PLOD2: variants seen among roughly 807,000 people sequenced by gnomAD.
PLOD2 encodes the protein lysine hydroxylase 2.
In PLOD2, 65 loss-of-function variants were observed where a neutral mutation model predicts 101.0. The ratio of observed to expected loss-of-function variants is 0.64; its 90% CI spans 0.53 to 0.79. The LOEUF is 0.79. Ranked by LOEUF, PLOD2 falls within the 30% of genes least tolerant of loss-of-function variation. The pLI is 0.00. For synonymous variants in PLOD2, 314 were observed against 302.9 expected (o/e 1.04, Z -0.38); for missense variants, 909 against 914.6 (o/e 0.99, Z 0.08).
chr3:146,100,687 A>G (rs996681877), intron 7 of PLOD2, among the ~76,000 whole-genome samples: 1 of 152,142 alleles, frequency 6.6e-6, no homozygotes, highest in Admixed American at 6.5e-5. Context: ...AGAGGGAGAA[A>G]GGAGAAGAAA....
Position 146,081,728 on chromosome 3 carries a change from A to C in PLOD2, c.1358+10T>G. ...TATTTCACATTAAAATATTAAACCAAGTAACTTACACTCTATTCCCTTGAA... is the reference window on the plus strand; with the variant it reads ...TATTTCACATTAAAATATTAAACCACGTAACTTACACTCTATTCCCTTGAA... On this transcript the variant is annotated intron_variant, in intron 12 of 19. Coordinates refer to ENST00000282903, the MANE Select transcript of PLOD2 (RefSeq NM_182943.3). The C allele has an allele frequency of 6.2e-7, 1 of 1,600,198 alleles. No homozygotes were observed. Among genetic ancestry groups the C allele is most frequent in the Non-Finnish European group, 8.6e-7 (1 of 1,167,892 alleles).
At position 146,106,580 on chromosome 3, in the gene PLOD2, A is replaced by G. The variant is rs774143690; in HGVS notation, c.567T>C (p.Asp189=). The part of the protein sequence containing the change: ...IVQQWNLQDN[D]DDQLFYTKVY... ...CTTTAGTGTAAAAGAGCTGATCATC[A>G]TCATTATCCTGGAGATTCCATTGTT... The change falls in exon 5 of 20, where the codon GAT becomes GAC. Residue 189 remains aspartate (D), a synonymous_variant. Transcript: ENST00000282903. 2 of 1,598,632 alleles carry G rather than the reference A, an allele frequency of 1.3e-6. No homozygotes were observed. Among genetic ancestry groups the G allele is most frequent in the South Asian group, 1.1e-5 (1 of 90,686 alleles).
chr3:146,081,886 TGAGA>T (rs1291717389), intron 11 of PLOD2, 23 bp from the exon 12 acceptor site: 7 of 1,603,086 alleles, frequency 4.4e-6, no homozygotes, highest in East Asian at 4.5e-5. Flanking sequence ...AGAGTGTGTG[TGAGA>T]GAGAGAAACC....
chr3:146,152,094 C>T (rs1350435315), intron 1 of PLOD2, among the ~76,000 whole-genome samples: 1 of 152,102 alleles, frequency 6.6e-6, no homozygotes, highest in African/African-American at 2.4e-5. Context: ...TAAAGCAATA[C>T]AAAAATAGTC....
intron 7 of PLOD2, among the ~76,000 whole-genome samples, chr3:146,095,014 C>T (rs1394479531): frequency 6.6e-6 from 1 of 152,064 alleles, no homozygotes; most frequent in Non-Finnish European, 1.5e-5. Flanking sequence ...AACTGGCTAG[C>T]CATATGCAGA....
intron 3 of PLOD2, among the ~76,000 whole-genome samples, chr3:146,114,750 A>G (rs549388611): frequency 5.9e-5 from 9 of 152,286 alleles, no homozygotes; most frequent in African/African-American, 1.9e-4. Flanking sequence ...AAGGGAATAA[A>G]CTAAGAAAGA....
chr3:146,121,031 ACAT>A (rs888485813), intron 3 of PLOD2, 78 bp downstream of exon 3: 4 of 1,154,596 alleles, frequency 3.5e-6, no homozygotes, highest in Non-Finnish European at 5.2e-6. Context: ...ATATTTTAAT[ACAT>A]CATCTACAAA....
intron 1 of PLOD2, among the ~76,000 whole-genome samples, chr3:146,159,891 A>AT: frequency 6.6e-6 from 1 of 152,224 alleles, no homozygotes; most frequent in East Asian, 1.9e-4. Flanking sequence ...CGCTACATGG[A>AT]TTAGCTGGAC....
chr3:146,071,467 A>G, intron 17 of PLOD2, 44 bp from the exon 18 acceptor site: 1 of 1,566,262 alleles, frequency 6.4e-7, no homozygotes, highest in Non-Finnish European at 8.8e-7. Flanking sequence ...CTCCACGTGC[A>G]ATTCCCATTT....
chr3:146,111,927 A>G (rs1937650553), intron 3 of PLOD2, among the ~76,000 whole-genome samples: 1 of 152,134 alleles, frequency 6.6e-6, no homozygotes, highest in Non-Finnish European at 1.5e-5. Context: ...CAAATAAACT[A>G]AAGTCTCTGA....
intron 14 of PLOD2, chr3:146,077,644 C>G (rs756269743): frequency 4.5e-6 from 2 of 440,622 alleles, no homozygotes; most frequent in Non-Finnish European, 8.0e-6. Context: ...CACCTGTCAG[C>G]CATAAAATAT....
chr3:146,091,266 C>T (rs1936961158), intron 8 of PLOD2, among the ~76,000 whole-genome samples: 1 of 151,824 alleles, frequency 6.6e-6, no homozygotes, highest in African/African-American at 2.4e-5. Flanking sequence ...ATTGTGTGCC[C>T]TTAAACACGT....
chr3:146,078,202 C>CG, intron 13 of PLOD2, among the ~76,000 whole-genome samples: 1 of 151,652 alleles, frequency 6.6e-6, no homozygotes, highest in Middle Eastern at 3.4e-3. Context: ...CATAAGACAA[C>CG]GGAAAAAATG....
chr3:146,073,174 T>A (rs1936211625), intron 16 of PLOD2, 113 bp downstream of exon 16: 2 of 541,756 alleles, frequency 3.7e-6, no homozygotes, highest in Non-Finnish European at 3.4e-6. Flanking sequence ...AAATAAATTT[T>A]ACCTAAAAGG....
chr3:146,106,353 T>C (rs1421232996), intron 5 of PLOD2, among the ~76,000 whole-genome samples, 179 bp downstream of exon 5: 4 of 152,240 alleles, frequency 2.6e-5, no homozygotes, highest in Admixed American at 6.5e-5. Context: ...AGTGCTGATA[T>C]CCAGCCAGGT....
In PLOD2 at chr3:146,079,420, T is replaced by C. The variant is rs144400529; in HGVS notation, c.1359-163A>G. ...ATGATATATATATAAGATTACATTG[T>C]ATACACTATATTTAATGAGATTTAG... On this transcript the variant is annotated intron_variant, in intron 12 of 19. Transcript: ENST00000282903. Among the ~76,000 whole-genome samples the C allele has an allele frequency of 4.8e-3, 735 of 152,084 alleles. 4 individuals are homozygous for C. The highest frequency in any genetic ancestry group is 0.017 in the African/African-American group (711 of 41,550).
intron 7 of PLOD2, among the ~76,000 whole-genome samples, chr3:146,093,510 T>A (rs1457936497): frequency 1.3e-5 from 2 of 152,234 alleles, no homozygotes; most frequent in Non-Finnish European, 2.9e-5. Context: ...ATCATTTGTG[T>A]TCTACAAAAT....
At chr3:146,141,188 A>G (rs1176361358) in intron 1 of PLOD2, among the ~76,000 whole-genome samples, 2 of 152,090 alleles carry the variant, frequency 1.3e-5, no homozygotes, top group East Asian at 3.9e-4. Flanking sequence ...TAGATTAATT[A>G]CAACCCCAAA....
intron 2 of PLOD2, among the ~76,000 whole-genome samples, chr3:146,122,632 T>C (rs2030246016): frequency 6.6e-6 from 1 of 152,058 alleles, no homozygotes. Context: ...TGGTCTGGGG[T>C]CCACACTTTG....
Sources: allele counts gnomAD v4.1 joint callset (sites outside exome capture counted in the v4.1 genomes callset), GRCh38; gene constraint gnomAD v4.1.1; transcripts MANE v1.5; gene names NCBI Gene and HGNC (gene_info 2026-07-23, HGNC 2026-07-21).